The following PLD5 variants were observed in gnomAD, a reference collection of about 807,000 sequenced individuals.
PLD5 encodes phospholipase D family member 5.
In PLD5, 36 loss-of-function variants were observed where a neutral mutation model predicts 61.1. The observed-to-expected ratio is 0.59, with a 90% CI of 0.45 to 0.78. The LOEUF (loss-of-function observed/expected upper bound fraction) is 0.78. PLD5 is among the 30% of genes least tolerant of loss of function. The pLI, the probability that PLD5 is intolerant of heterozygous loss-of-function variation, is 0.00. For synonymous variants in PLD5, 243 were observed against 242.8 expected (o/e 1.00, Z -0.01); for missense variants, 515 against 644.4 (o/e 0.80, Z 2.17).
At chr1:242,220,947 G>A (rs1375777261) in intron 4 of PLD5, among the ~76,000 whole-genome samples, 1 of 152,062 alleles carries the variant, frequency 6.6e-6, no homozygotes, top group African/African-American at 2.4e-5. Context: ...ATGTTGGCCA[G>A]GCTGGTCTCG....
chr1:242,288,349 G>A lies in PLD5; in HGVS notation c.495+13C>T, dbSNP rs769979554. 59 of 1,610,356 alleles carry A rather than the reference G, an allele frequency of 3.7e-5. No individual in the cohort carries two copies. The East Asian group carries it at 1.2e-3, about 33-fold the overall frequency. On this transcript the variant is annotated intron_variant, in intron 3 of 9. Coordinates refer to ENST00000536534, the MANE Select transcript of PLD5 (RefSeq NM_001372062.1). ...TAAGTAAAATCATCACACACACAGA[G>A]GATGTAGCTTACCTGACATGCTGAT...
chr1:242,312,599 T>C (rs1039911283), intron 2 of PLD5, among the ~76,000 whole-genome samples: 22 of 152,298 alleles, frequency 1.4e-4, no homozygotes, highest in Admixed American at 1.4e-3. Flanking sequence ...CCTATCTTCC[T>C]CTAGCCTGAA....
At chr1:242,147,415 T>A (rs1344534398) in intron 5 of PLD5, 1 of 152,224 alleles carries the variant, frequency 6.6e-6, no homozygotes, top group Non-Finnish European at 1.5e-5. Context: ...CATTCTCCAG[T>A]TGAGAAACAT....
At chr1:242,118,236 G>A (rs1408796370) in intron 6 of PLD5, among the ~76,000 whole-genome samples, 2 of 152,078 alleles carry the variant, frequency 1.3e-5, no homozygotes, top group Non-Finnish European at 2.9e-5. Context: ...TTCCTAATGG[G>A]GTTAATGAAA....
chr1:242,437,134 A>T (rs2654880), intron 1 of PLD5, among the ~76,000 whole-genome samples: 77,619 of 151,956 alleles, frequency 0.51, 20,096 homozygotes, highest in African/African-American at 0.53. Flanking sequence ...ATCTGTAAGA[A>T]CTCTACTGTT....
chr1:242,159,877 C>T lies in PLD5; in HGVS notation c.736-35212G>A, dbSNP rs116398656. Among the ~76,000 whole-genome samples, 1,367 of 152,236 alleles carry T rather than the reference C, an allele frequency of 9.0e-3. 7 individuals carry two copies. Among genetic ancestry groups the T allele is most frequent in the Admixed American group, 0.015 (226 of 15,294 alleles). ...TATTTTTGTGACAACTTGGTGAGGTCCATGGAGAAAACTCTAAGATTGGGT... is the reference window on the plus strand; with the variant it reads ...TATTTTTGTGACAACTTGGTGAGGTTCATGGAGAAAACTCTAAGATTGGGT... On this transcript the variant is annotated intron_variant, in intron 5 of 9. Transcript: ENST00000536534.
At chr1:242,407,566 T>G (rs71652404) in intron 1 of PLD5, among the ~76,000 whole-genome samples, 1,567 of 82,678 alleles carry the variant, frequency 0.019, 26 homozygotes, top group African/African-American at 0.069. Flanking sequence ...GTTTTGTTTT[T>G]TTTTTTTTTT....
intron 5 of PLD5, among the ~76,000 whole-genome samples, chr1:242,194,634 C>CTATCTATG (rs1668512664): frequency 9.1e-6 from 1 of 110,436 alleles, no homozygotes; most frequent in African/African-American, 3.8e-5. Flanking sequence ...ATCTATCTAT[C>CTATCTATG]TATCTATCTA....
intron 1 of PLD5, among the ~76,000 whole-genome samples, chr1:242,376,410 T>G (rs1037902721): frequency 6.6e-6 from 1 of 152,158 alleles, no homozygotes; most frequent in Non-Finnish European, 1.5e-5. Context: ...ATCGAGGAAG[T>G]GCTGAGACAC....
chr1:242,323,807 T>A (rs889296301), intron 2 of PLD5, among the ~76,000 whole-genome samples: 6 of 152,136 alleles, frequency 3.9e-5, no homozygotes, highest in Admixed American at 1.3e-4. Flanking sequence ...ACTAAAATGT[T>A]TAAATGGACT....
intron 2 of PLD5, among the ~76,000 whole-genome samples, chr1:242,315,732 G>A (rs1480391094): frequency 1.3e-5 from 2 of 152,102 alleles, no homozygotes; most frequent in African/African-American, 4.8e-5. Flanking sequence ...CCAGGTAGCT[G>A]GGACTACAGG....
chr1:242,265,853 T>A (rs2149104004), intron 3 of PLD5, among the ~76,000 whole-genome samples: 1 of 152,350 alleles, frequency 6.6e-6, no homozygotes, highest in Non-Finnish European at 1.5e-5. Flanking sequence ...ATCTCACTAA[T>A]CTCCAGTTTC....
At chr1:242,439,234 T>C (rs529149451) in intron 1 of PLD5, among the ~76,000 whole-genome samples, 1 of 152,286 alleles carries the variant, frequency 6.6e-6, no homozygotes, top group Admixed American at 6.5e-5. Flanking sequence ...GTCAATTGCA[T>C]GTGGGGAAGG....
At chr1:242,269,329 T>G (rs939828141) in intron 3 of PLD5, among the ~76,000 whole-genome samples, 1 of 152,048 alleles carries the variant, frequency 6.6e-6, no homozygotes, top group Non-Finnish European at 1.5e-5. Flanking sequence ...ATGAAGTCTG[T>G]AAAAACCTCA....
At chr1:242,153,442 T>C (rs550449475) in intron 5 of PLD5, among the ~76,000 whole-genome samples, 27 of 152,332 alleles carry the variant, frequency 1.8e-4, no homozygotes, top group African/African-American at 5.5e-4. Flanking sequence ...ATGTCCTGAA[T>C]GGTATCGCCT....
intron 5 of PLD5, among the ~76,000 whole-genome samples, chr1:242,140,683 T>G (rs1250324625): frequency 6.6e-6 from 1 of 152,040 alleles, no homozygotes; most frequent in East Asian, 1.9e-4. Flanking sequence ...TGGAAGGTGG[T>G]GCAAGGACCC....
intron 1 of PLD5, among the ~76,000 whole-genome samples, chr1:242,481,288 G>T (rs1667766684): frequency 6.6e-6 from 1 of 152,208 alleles, no homozygotes; most frequent in Non-Finnish European, 1.5e-5. Flanking sequence ...AGTGCAAGGG[G>T]TCAGGGAATT....
intron 3 of PLD5, among the ~76,000 whole-genome samples, chr1:242,269,261 T>C (rs953741155): frequency 2.0e-5 from 3 of 152,208 alleles, no homozygotes; most frequent in Non-Finnish European, 2.9e-5. Flanking sequence ...CTTAGATAAA[T>C]TATCTCAAAG....
intron 5 of PLD5, among the ~76,000 whole-genome samples, chr1:242,212,765 C>T (rs921040168): frequency 4.6e-5 from 7 of 152,152 alleles, no homozygotes; most frequent in South Asian, 2.1e-4. Context: ...TATGTACAAG[C>T]GACATCCCAG....
Sources: allele counts gnomAD v4.1 joint callset (sites outside exome capture counted in the v4.1 genomes callset), GRCh38; gene constraint gnomAD v4.1.1; transcripts MANE v1.5; gene names NCBI Gene and HGNC (gene_info 2026-07-23, HGNC 2026-07-21).